PDE1A: variants seen among roughly 807,000 people sequenced by gnomAD.
The protein encoded by PDE1A is phosphodiesterase 1A.
PDE1A carries 35 observed loss-of-function variants against 61.7 expected under a neutral mutation model. That is an observed-to-expected ratio of 0.57 (90% CI 0.43 to 0.75). The LOEUF (loss-of-function observed/expected upper bound fraction) is 0.75, where lower values mean the gene tolerates loss of function less well. Ranked by LOEUF, PDE1A falls within the 30% of genes least tolerant of loss-of-function variation. The pLI, the probability that PDE1A is intolerant of heterozygous loss-of-function variation, is 0.00. For synonymous variants in PDE1A, 232 were observed against 213.2 expected (o/e 1.09, Z -0.77); for missense variants, 597 against 630.6 (o/e 0.95, Z 0.57).
the PDE1A span, among the ~76,000 whole-genome samples, chr2:182,603,935 C>G: frequency 6.6e-6 from 1 of 152,082 alleles, no homozygotes; most frequent in East Asian, 1.9e-4. Flanking sequence ...ATATCTCAAC[C>G]TACTAATACT....
the PDE1A span, among the ~76,000 whole-genome samples, chr2:182,674,501 A>C: frequency 6.6e-6 from 1 of 152,066 alleles, no homozygotes. Context: ...ACCAATATGA[A>C]ATCTTAGAAT....
At chr2:182,295,748 T>C (rs1322825505) in intron 1 of PDE1A, among the ~76,000 whole-genome samples, 1 of 152,136 alleles carries the variant, frequency 6.6e-6, no homozygotes, top group Non-Finnish European at 1.5e-5. Flanking sequence ...TATTTTTGAA[T>C]AAAATATATA....
intron 2 of PDE1A, among the ~76,000 whole-genome samples, chr2:182,517,984 CA>C (rs1346918763): frequency 6.6e-6 from 1 of 152,098 alleles, no homozygotes; most frequent in Admixed American, 6.6e-5. Context: ...GGGTGGTAAG[CA>C]ATGTTTCTTT....
intron 1 of PDE1A, among the ~76,000 whole-genome samples, chr2:182,359,674 T>C (rs1699388564): frequency 6.6e-6 from 1 of 152,148 alleles, no homozygotes; most frequent in Non-Finnish European, 1.5e-5. Flanking sequence ...TGTATGGGAT[T>C]GTATGCCATA....
chr2:182,220,645 T>G (rs948908514), intron 7 of PDE1A, among the ~76,000 whole-genome samples: 6 of 152,054 alleles, frequency 3.9e-5, no homozygotes, highest in African/African-American at 1.4e-4. Flanking sequence ...GGAAATTATT[T>G]CCATTTATTT....
At chr2:182,635,421 CTTT>C in the PDE1A span, among the ~76,000 whole-genome samples, 3 of 151,714 alleles carry the variant, frequency 2.0e-5, no homozygotes, top group African/African-American at 7.3e-5. Context: ...TTTCCTGGAC[CTTT>C]TTTGTTTAAT....
chr2:182,164,935 T>A (rs971342937), downstream of PDE1A, among the ~76,000 whole-genome samples: 2 of 151,878 alleles, frequency 1.3e-5, no homozygotes, highest in African/African-American at 4.8e-5. Context: ...CAGCATTGTT[T>A]CTGACCCAGG....
At chr2:182,698,842 TC>T in the PDE1A span, among the ~76,000 whole-genome samples, 1 of 152,194 alleles carries the variant, frequency 6.6e-6, no homozygotes. Flanking sequence ...ATGACTTCAT[TC>T]CCCCCTTGAA....
chr2:182,264,462 T>G, intron 1 of PDE1A, 48 bp from the exon 2 acceptor site: 1 of 1,347,334 alleles, frequency 7.4e-7, no homozygotes, highest in East Asian at 2.3e-5. Flanking sequence ...GAATTTATTG[T>G]AACTATATGG....
intron 2 of PDE1A, among the ~76,000 whole-genome samples, chr2:182,242,520 T>A (rs1046980632): frequency 6.6e-5 from 10 of 152,220 alleles, no homozygotes; most frequent in African/African-American, 2.4e-4. Flanking sequence ...TGTGTCACCA[T>A]AGGTAGGTTA....
At chr2:182,183,637 A>T (rs192447740) in intron 13 of PDE1A, among the ~76,000 whole-genome samples, 5 of 152,332 alleles carry the variant, frequency 3.3e-5, no homozygotes, top group African/African-American at 1.2e-4. Flanking sequence ...GAAAAACCCT[A>T]GAAATTAGAG....
At chr2:182,374,784 T>C (rs1369138575) in intron 1 of PDE1A, among the ~76,000 whole-genome samples, 1 of 152,214 alleles carries the variant, frequency 6.6e-6, no homozygotes, top group Non-Finnish European at 1.5e-5. Flanking sequence ...ACTTTTGTAT[T>C]AGTCTGTTTT....
the PDE1A span, among the ~76,000 whole-genome samples, chr2:182,573,983 A>ACT: frequency 6.9e-6 from 1 of 145,856 alleles, no homozygotes; most frequent in African/African-American, 2.5e-5. Flanking sequence ...ACACACACAC[A>ACT]CACACACAAA....
the PDE1A span, among the ~76,000 whole-genome samples, chr2:182,626,262 C>A: frequency 6.6e-6 from 1 of 152,100 alleles, no homozygotes; most frequent in Non-Finnish European, 1.5e-5. Context: ...CTTGAGAGTT[C>A]TAGTTAAAGC....
At chr2:182,248,896 T>C (rs1691188377) in intron 2 of PDE1A, among the ~76,000 whole-genome samples, 1 of 152,232 alleles carries the variant, frequency 6.6e-6, no homozygotes, top group African/African-American at 2.4e-5. Flanking sequence ...CATTCAGTTC[T>C]TTCCCCTAAC....
intron 1 of PDE1A, among the ~76,000 whole-genome samples, chr2:182,379,035 A>G (rs989132431): frequency 6.6e-6 from 1 of 152,234 alleles, no homozygotes; most frequent in African/African-American, 2.4e-5. Flanking sequence ...TTTTAAAGTT[A>G]GTTTTCATGA....
chr2:182,648,721 AT>A, the PDE1A span, among the ~76,000 whole-genome samples: 3 of 150,804 alleles, frequency 2.0e-5, no homozygotes, highest in Non-Finnish European at 4.4e-5. Flanking sequence ...AAAAAAAAAA[AT>A]TCAAGACAAG....
intron 2 of PDE1A, among the ~76,000 whole-genome samples, chr2:182,485,771 A>C (rs1025645160): frequency 2.6e-5 from 4 of 152,084 alleles, no homozygotes; most frequent in Non-Finnish European, 4.4e-5. Context: ...GATGCAGAAA[A>C]ACTATTTGAC....
chr2:182,432,617 C>T (rs900035416), intron 2 of PDE1A, among the ~76,000 whole-genome samples: 2 of 152,020 alleles, frequency 1.3e-5, no homozygotes, highest in Non-Finnish European at 2.9e-5. Context: ...TTAATGCTAT[C>T]TCATCATCTT....
Sources: allele counts gnomAD v4.1 joint callset (sites outside exome capture counted in the v4.1 genomes callset), GRCh38; gene constraint gnomAD v4.1.1; transcripts MANE v1.5; gene names NCBI Gene and HGNC (gene_info 2026-07-23, HGNC 2026-07-21).